The following PEX5 variants were observed in gnomAD, a reference collection of about 807,000 sequenced individuals.
PEX5 encodes PTS1 receptor.
PEX5 carries 52 observed loss-of-function variants against 82.9 expected under a neutral mutation model. The observed-to-expected ratio is 0.63, with a 90% CI of 0.50 to 0.79. The LOEUF (loss-of-function observed/expected upper bound fraction) is 0.79, where lower values mean the gene tolerates loss of function less well. Among genes scored for constraint, PEX5 ranks in the 30% least tolerant of loss-of-function variants. The pLI, the probability that PEX5 is intolerant of heterozygous loss-of-function variation, is 0.00. For missense variants in PEX5, 719 were observed against 815.2 expected, an observed-to-expected ratio of 0.88 and a Z score of 1.44; for synonymous variants, 300 against 318.8, an observed-to-expected ratio of 0.94 and a Z score of 0.63.
intron 17 of PEX5, among the ~76,000 whole-genome samples, chr12:7,216,817 A>G (rs1337816063): frequency 6.6e-6 from 1 of 152,192 alleles, no homozygotes; most frequent in East Asian, 1.9e-4. Context: ...CTTGTAACAC[A>G]GCAGGGACCC....
At chr12:7,212,948 A>G (rs989590228), downstream of PEX5, 9 of 152,202 alleles carry the variant, frequency 5.9e-5, no homozygotes, top group Non-Finnish European at 1.2e-4. Flanking sequence ...TAGGTGCAGG[A>G]CATGACAAAG....
At position 7,191,416 on chromosome 12, in the gene PEX5, A is replaced by T. The variant is rs1941092994; in HGVS notation, c.316+58A>T. ...TTTTCCATGTAGCCAGGGCCAAGGA[A>T]GGGGGTTCCATTGGATGCTGCTGGC... On this transcript the variant is annotated intron_variant, in intron 4 of 15. Coordinates refer to ENST00000675855, the MANE Select transcript of PEX5 (RefSeq NM_001351132.2). The T allele has an allele frequency of 3.1e-6, 5 of 1,611,854 alleles. No homozygotes were observed. In the African/African-American group the frequency reaches 6.7e-5, roughly 22 times the overall value.
chr12:7,191,179 G>A (rs1413488488), intron 3 of PEX5, 47 bp from the exon 4 acceptor site: 22 of 1,613,198 alleles, frequency 1.4e-5, no homozygotes, highest in Non-Finnish European at 1.8e-5. Context: ...CCTCTTGCTG[G>A]GGCCTCCCAA....
At chr12:7,196,455 TG>T in intron 5 of PEX5, among the ~76,000 whole-genome samples, 1 of 135,580 alleles carries the variant, frequency 7.4e-6, no homozygotes, top group Non-Finnish European at 1.5e-5. Flanking sequence ...AATAATTATG[TG>T]TCATATATAA....
intron 6 of PEX5, among the ~76,000 whole-genome samples, chr12:7,200,376 G>C (rs1943642981): frequency 6.6e-6 from 1 of 151,742 alleles, no homozygotes; most frequent in African/African-American, 2.4e-5. Context: ...TGGGATGGCG[G>C]CCGGGCAGAG....
At position 7,210,352 on chromosome 12, in the gene PEX5, T is replaced by C; in HGVS notation, c.*129T>C. The stretch of plus-strand genomic sequence containing the variant: ...ATAAGCGGTACGGCCTTTCAGGAGC[T>C]GCCTCAACGTAGGGGTGGGTAGTCT... On this transcript the variant is annotated 3_prime_UTR_variant, in exon 16 of 16. Coordinates refer to ENST00000675855, the MANE Select transcript of PEX5 (RefSeq NM_001351132.2). The C allele has an allele frequency of 1.2e-6, 1 of 812,108 alleles. No homozygotes were observed. The highest frequency in any genetic ancestry group is 2.1e-6 in the Non-Finnish European group (1 of 476,400). The allele number at this position is 812,108 out of a possible 1,614,324, so 50.3% of individuals were successfully genotyped here.
At chr12:7,214,704 CTT>C (rs1591820698), downstream of PEX5, among the ~76,000 whole-genome samples, 1 of 145,178 alleles carries the variant, frequency 6.9e-6, no homozygotes, top group Admixed American at 6.7e-5. Flanking sequence ...TACCCTAAAA[CTT>C]AAAGTATAAT....
At chr12:7,197,223 TA>T (rs1344613855) in intron 5 of PEX5, among the ~76,000 whole-genome samples, 7 of 63,228 alleles carry the variant, frequency 1.1e-4, no homozygotes, top group African/African-American at 3.0e-4. Context: ...AATGTAATTA[TA>T]TATGTCATAT....
intron 10 of PEX5, 99 bp downstream of exon 10, chr12:7,203,650 T>G: frequency 8.6e-7 from 1 of 1,163,530 alleles, no homozygotes; most frequent in Non-Finnish European, 1.3e-6. Context: ...AAGTATTTTC[T>G]TGAGTCCCTT....
At chr12:7,207,534 C>G (rs760796297) in intron 10 of PEX5, 125 bp from the exon 11 acceptor site, 1 of 909,262 alleles carries the variant, frequency 1.1e-6, no homozygotes, top group East Asian at 2.4e-5. Flanking sequence ...GAGAATTTGC[C>G]AGCAATTAAT....
downstream of PEX5, among the ~76,000 whole-genome samples, chr12:7,213,942 C>T (rs1421827335): frequency 6.6e-6 from 1 of 151,858 alleles, no homozygotes; most frequent in East Asian, 1.9e-4. Flanking sequence ...CAAAAGAAGA[C>T]ATTTATGCAG....
rs2136175490 is a variant in PEX5 at position 7,203,515 on chromosome 12, T to C, written c.930T>C (p.Ser310=). The C allele has an allele frequency of 2.5e-6, 4 of 1,614,056 alleles. No individual in the cohort carries two copies. Among genetic ancestry groups the C allele is most frequent in the Non-Finnish European group, 3.4e-6 (4 of 1,179,986 alleles). The part of the protein sequence containing the change: ...KRDAEAHPWL[S]DYDDLTSATY... ...ATGCTGAGGCCCACCCCTGGCTTTC[T>C]GACTATGATGACCTTACGTCAGCTA... The change falls in exon 10 of 16, where the codon TCT becomes TCC. Residue 310 remains serine, a synonymous_variant. Coordinates refer to ENST00000675855, the MANE Select transcript of PEX5 (RefSeq NM_001351132.2).
chr12:7,191,529 G>A (rs1941116141), intron 4 of PEX5, 40 bp from the exon 5 acceptor site: 1 of 1,612,004 alleles, frequency 6.2e-7, no homozygotes, highest in South Asian at 1.1e-5. Context: ...GGAATGGTAT[G>A]TATGTATTCT....
rs2136157533 is a variant in PEX5, at chr12:7,202,605, G to A, written c.754-7G>A. 1 of 1,613,176 alleles carries A rather than the reference G, an allele frequency of 6.2e-7. No individual in the cohort carries two copies. The highest frequency in any genetic ancestry group is 1.1e-5 in the South Asian group (1 of 91,060). ...GTAGTGGTACTGACCATCCTTTTTTGTCGCAGGGTACATCAGATGCCTGGG... is the reference window on the plus strand; with the variant it reads ...GTAGTGGTACTGACCATCCTTTTTTATCGCAGGGTACATCAGATGCCTGGG... On this transcript the variant is annotated splice_region_variant and splice_polypyrimidine_tract_variant and intron_variant, in intron 8 of 15. Transcript: ENST00000675855.
intron 10 of PEX5, among the ~76,000 whole-genome samples, chr12:7,204,714 A>C (rs1944549350): frequency 6.6e-6 from 1 of 152,254 alleles, no homozygotes; most frequent in Non-Finnish European, 1.5e-5. Flanking sequence ...CATTTATGTA[A>C]AAATGTCCAT....
chr12:7,209,885 T>G (rs1480765455), intron 15 of PEX5, 45 bp downstream of exon 15: 1 of 1,612,132 alleles, frequency 6.2e-7, no homozygotes, highest in Non-Finnish European at 8.5e-7. Flanking sequence ...TTTTTCTCCC[T>G]GCCTTTGGCC....
Position 7,210,507 on chromosome 12 carries a change from G to A in PEX5, c.*284G>A. Reference sequence around the variant, plus strand: ...TGCCCTTTCTTGGTGCTGCTTTTTGGGTAGGACCCCACGATTTAGGGTAAC... The same window carrying A: ...TGCCCTTTCTTGGTGCTGCTTTTTGAGTAGGACCCCACGATTTAGGGTAAC... On this transcript the variant is annotated 3_prime_UTR_variant, in exon 16 of 16. Coordinates refer to ENST00000675855, the MANE Select transcript of PEX5 (RefSeq NM_001351132.2). The A allele has an allele frequency of 1.8e-6, 1 of 540,926 alleles. No homozygotes were observed. Among genetic ancestry groups the A allele is most frequent in the African/African-American group, 1.9e-5 (1 of 52,684 alleles). The allele number at this position is 540,926 out of a possible 1,614,324, so 33.5% of individuals were successfully genotyped here. A position where few individuals can be genotyped will look rare whatever the true frequency, so the allele number is the denominator to read the frequency against.
chr12:7,202,305 G>T lies in PEX5; in HGVS notation c.707G>T (p.Gly236Val). The change falls in exon 8 of 16, where the codon GGC (glycine) becomes GTC (valine). Residue 236 changes from glycine to valine, a missense_variant. Gly to Val is a moderately radical substitution (Grantham distance 109, BLOSUM62 -3). Transcript: ENST00000675855. ...TCCCTGGAGTCCGGTGCAGGGTCGG[G>T]CCGAGCTCAGGCAGAACAGTGGGCA... is the stretch of plus-strand genomic sequence containing the variant. ...QVSLESGAGS[G>V]RAQAEQWAAE... 1 of 1,614,084 alleles carries T rather than the reference G, an allele frequency of 6.2e-7. No individual in the cohort carries two copies. Among genetic ancestry groups the T allele is most frequent in the Non-Finnish European group, 8.5e-7 (1 of 1,180,008 alleles).
chr12:7,190,019 C>T (rs1258938411), intron 1 of PEX5: 1 of 1,504,064 alleles, frequency 6.6e-7, no homozygotes, highest in Non-Finnish European at 8.8e-7. Flanking sequence ...CTTCTTCGGG[C>T]AGTGTCGCCG....
Sources: gnomAD v4.1 joint callset for allele counts (sites outside exome capture counted in the v4.1 genomes callset) on GRCh38, gnomAD v4.1.1 for gene constraint, MANE v1.5 for transcripts, NCBI Gene and HGNC (gene_info 2026-07-23, HGNC 2026-07-21) for gene names.